EPHA5: variants seen among roughly 807,000 people sequenced by gnomAD.
The protein encoded by EPHA5 is EPH receptor A5.
Under a neutral mutation model 105.0 loss-of-function variants are expected in EPHA5, and 60 were observed. The observed-to-expected ratio is 0.57, with a 90% CI of 0.46 to 0.71. The LOEUF is 0.71. Among genes scored for constraint, EPHA5 ranks in the 30% least tolerant of loss-of-function variants. The probability of loss-of-function intolerance (pLI) is 0.00; values close to 1 mark genes in which losing one functional copy is unlikely to be tolerated. For missense variants in EPHA5, 1,218 were observed against 1,274.7 expected (o/e 0.96, Z 0.68); for synonymous variants, 513 against 449.1 (o/e 1.14, Z -1.80).
intron 5 of EPHA5, among the ~76,000 whole-genome samples, chr4:65,483,764 T>C (rs974328742): frequency 6.6e-6 from 1 of 152,082 alleles, no homozygotes; most frequent in African/African-American, 2.4e-5. Context: ...AGATCTTTGG[T>C]GTGTATTTGG....
intron 5 of EPHA5, among the ~76,000 whole-genome samples, chr4:65,483,396 A>T (rs1029348792): frequency 4.6e-5 from 7 of 152,178 alleles, no homozygotes; most frequent in African/African-American, 1.7e-4. Flanking sequence ...TGGCTGGGTC[A>T]AATGGTATTT....
intron 3 of EPHA5, chr4:65,573,550 A>T: frequency 6.3e-7 from 1 of 1,598,258 alleles, no homozygotes; most frequent in Non-Finnish European, 8.5e-7. Flanking sequence ...AAAAAGGGTA[A>T]CCTCAAAGCT....
chr4:65,542,146 A>G (rs925285793), intron 3 of EPHA5, among the ~76,000 whole-genome samples: 1 of 151,978 alleles, frequency 6.6e-6, no homozygotes, highest in Non-Finnish European at 1.5e-5. Flanking sequence ...AAATATCTCA[A>G]ATCAACACTC....
At chr4:65,526,932 T>A (rs1037803819) in intron 3 of EPHA5, among the ~76,000 whole-genome samples, 1 of 152,036 alleles carries the variant, frequency 6.6e-6, no homozygotes, top group African/African-American at 2.4e-5. Flanking sequence ...AATAAAAAAA[T>A]CTAATGCTAC....
chr4:65,348,520 T>A (rs951601379), intron 13 of EPHA5, among the ~76,000 whole-genome samples: 4 of 151,534 alleles, frequency 2.6e-5, no homozygotes, highest in Non-Finnish European at 4.4e-5. Flanking sequence ...TATACTCTCA[T>A]GACTTTCTAA....
In EPHA5 at chr4:65,601,498, A is replaced by G. The variant is rs1004797444; in HGVS notation, c.910+143T>C. ...GTTGCCAGAAATTTTAAAATTCTGA[A>G]AAGAGAAAAATAAAACTTGAGAGAA... On this transcript the variant is annotated intron_variant, in intron 3 of 16. Transcript: ENST00000613740. 3.4e-6 allele frequency: 3 copies of G among 869,962 alleles called. No homozygotes were observed. In the African/African-American group the frequency reaches 5.0e-5, roughly 15 times the overall value. The allele number at this position is 869,962 out of a possible 1,614,324, so 53.9% of individuals were successfully genotyped here.
chr4:65,650,588 T>C (rs1446604387), intron 1 of EPHA5, among the ~76,000 whole-genome samples: 3 of 143,448 alleles, frequency 2.1e-5, no homozygotes, highest in African/African-American at 8.5e-5. Flanking sequence ...AGTTGTTAGT[T>C]GTTCTATCCA....
intron 9 of EPHA5, 120 bp downstream of exon 9, chr4:65,367,237 A>T (rs543208132): frequency 0.015 from 4,370 of 296,158 alleles, 72 homozygotes; most frequent in African/African-American, 0.12. Flanking sequence ...GAACACTTTT[A>T]AAAAAAAAAA....
intron 5 of EPHA5, among the ~76,000 whole-genome samples, chr4:65,455,047 C>T (rs1727440850): frequency 6.6e-6 from 1 of 151,976 alleles, no homozygotes; most frequent in Non-Finnish European, 1.5e-5. Context: ...AGATCGAGAC[C>T]ATGGTGAAAC....
At chr4:65,665,849 T>C (rs1749921408) in intron 1 of EPHA5, among the ~76,000 whole-genome samples, 3 of 152,292 alleles carry the variant, frequency 2.0e-5, no homozygotes, top group South Asian at 4.1e-4. Flanking sequence ...CGGTCCCTTG[T>C]AGTTTCAACA....
intron 2 of EPHA5, among the ~76,000 whole-genome samples, chr4:65,619,533 A>T (rs2149473561): frequency 6.6e-6 from 1 of 152,298 alleles, no homozygotes; most frequent in African/African-American, 2.4e-5. Context: ...GACATTAAAC[A>T]ATTAAATTTG....
intron 14 of EPHA5, among the ~76,000 whole-genome samples, chr4:65,342,614 AT>A (rs1721837368): frequency 6.6e-6 from 1 of 151,876 alleles, no homozygotes; most frequent in African/African-American, 2.4e-5. Context: ...AGTATAAATT[AT>A]ATGTATATGA....
chr4:65,633,636 C>A (rs1746847521), intron 2 of EPHA5, among the ~76,000 whole-genome samples: 1 of 151,672 alleles, frequency 6.6e-6, no homozygotes, highest in Admixed American at 6.6e-5. Context: ...ACCACTTAGA[C>A]AGAGACCTAT....
At chr4:65,558,223 T>A (rs894129121) in intron 3 of EPHA5, among the ~76,000 whole-genome samples, 4 of 152,120 alleles carry the variant, frequency 2.6e-5, no homozygotes, top group Non-Finnish European at 5.9e-5. Context: ...TCCATATTTC[T>A]CCATTAAGTG....
intron 3 of EPHA5, among the ~76,000 whole-genome samples, chr4:65,526,136 T>A (rs549569552): frequency 6.6e-6 from 1 of 152,020 alleles, no homozygotes; most frequent in South Asian, 2.1e-4. Context: ...ATTTATCAAA[T>A]CAGATAAATT....
chr4:65,415,015 G>A (rs912999908), intron 6 of EPHA5, among the ~76,000 whole-genome samples: 10 of 152,180 alleles, frequency 6.6e-5, no homozygotes, highest in South Asian at 2.1e-4. Context: ...TAAGCAAAAC[G>A]TTTTTATTTA....
intron 3 of EPHA5, among the ~76,000 whole-genome samples, chr4:65,578,964 T>C (rs1354658794): frequency 2.0e-5 from 3 of 152,092 alleles, no homozygotes; most frequent in South Asian, 2.1e-4. Context: ...TCTAGTACTA[T>C]GGTAACTTAA....
chr4:65,660,201 T>G (rs780018626), intron 1 of EPHA5, among the ~76,000 whole-genome samples: 4 of 152,128 alleles, frequency 2.6e-5, no homozygotes, highest in Non-Finnish European at 5.9e-5. Flanking sequence ...CCTCTACCAG[T>G]CTACCTGAGG....
At position 65,574,037 on chromosome 4, in the gene EPHA5, A is replaced by G. The variant is rs567857019; in HGVS notation, c.910+27604T>C. The G allele has an allele frequency of 1.8e-5, 29 of 1,599,062 alleles. No individual in the cohort carries two copies. The African/African-American group carries it at 3.2e-4, about 18-fold the overall frequency. ...TTCCTCTATGAAGAACACACCAGAA[A>G]TTTGTCATTGCCACCTCAACCAAAA... On this transcript the variant is annotated intron_variant, in intron 3 of 16. Transcript: ENST00000613740.
Sources: gnomAD v4.1 joint callset for allele counts (sites outside exome capture counted in the v4.1 genomes callset) on GRCh38, gnomAD v4.1.1 for gene constraint, MANE v1.5 for transcripts, NCBI Gene and HGNC (gene_info 2026-07-23, HGNC 2026-07-21) for gene names.